AUTS2: variants seen among roughly 807,000 people sequenced by gnomAD.
AUTS2 encodes autism susceptibility gene 2 protein.
A neutral mutation model predicts 112.4 loss-of-function variants in AUTS2; 17 were observed. The ratio of observed to expected loss-of-function variants is 0.15; its 90% CI spans 0.10 to 0.23. The LOEUF is 0.23. Ranked by LOEUF, AUTS2 falls within the 10% of genes least tolerant of loss-of-function variation. The probability of loss-of-function intolerance (pLI) is 1.00; values close to 1 mark genes in which losing one functional copy is unlikely to be tolerated. For missense variants in AUTS2, 1,510 were observed against 1,701.6 expected, an observed-to-expected ratio of 0.89 and a Z score of 1.98; for synonymous variants, 751 against 702.7, an observed-to-expected ratio of 1.07 and a Z score of -1.09.
At chr7:70,090,506 G>A (rs1167563987) in intron 2 of AUTS2, among the ~76,000 whole-genome samples, 1 of 151,930 alleles carries the variant, frequency 6.6e-6, no homozygotes, top group Non-Finnish European at 1.5e-5. Flanking sequence ...TGGGACTACA[G>A]GTGCGCACCA....
At chr7:69,904,869 A>T (rs1584419748) in intron 2 of AUTS2, among the ~76,000 whole-genome samples, 1 of 152,194 alleles carries the variant, frequency 6.6e-6, no homozygotes, top group South Asian at 2.1e-4. Flanking sequence ...TTGGCTTATG[A>T]TCTCTCTTTG....
chr7:70,487,117 G>A (rs367613499), intron 5 of AUTS2, among the ~76,000 whole-genome samples: 44 of 152,104 alleles, frequency 2.9e-4, no homozygotes, highest in East Asian at 2.5e-3. Flanking sequence ...GGGAGAGGAC[G>A]GTAGCCGCTT....
chr7:70,085,322 T>G lies in AUTS2; in HGVS notation c.523-32810T>G, dbSNP rs550015339. 2.0e-5 allele frequency among the ~76,000 whole-genome samples: 3 copies of G among 152,292 alleles called. No homozygotes were observed. In the South Asian group the frequency reaches 6.2e-4, roughly 32 times the overall value. On this transcript the variant is annotated intron_variant, in intron 2 of 18. Coordinates refer to ENST00000342771, the MANE Select transcript of AUTS2 (RefSeq NM_015570.4). ...GTCTGTGATCCATTTTGAGTTAATT[T>G]TTGTATATGAAATGAGACATATAGT...
In AUTS2 at chr7:69,625,690, T is replaced by C. The variant is rs937690945; in HGVS notation, c.309+25728T>C. On this transcript the variant is annotated intron_variant, in intron 1 of 18. Coordinates refer to ENST00000342771, the MANE Select transcript of AUTS2 (RefSeq NM_015570.4). ...CCTGGGAAAAACAGTGAGACCCTGT[T>C]CTATAAAAAATTTAAAAATTAGCTG... is the stretch of plus-strand genomic sequence containing the variant. Among the ~76,000 whole-genome samples the C allele has an allele frequency of 1.9e-4, 29 of 152,104 alleles. 1 individual carries two copies. Among genetic ancestry groups the C allele is most frequent in the Admixed American group, 1.6e-3 (25 of 15,282 alleles).
At chr7:70,193,739 T>G (rs1810025948) in intron 4 of AUTS2, among the ~76,000 whole-genome samples, 1 of 152,340 alleles carries the variant, frequency 6.6e-6, no homozygotes, top group South Asian at 2.1e-4. Context: ...TCTAACATGA[T>G]AAAGCAGACC....
intron 1 of AUTS2, among the ~76,000 whole-genome samples, chr7:69,799,658 C>G (rs901262321): frequency 1.4e-4 from 22 of 152,308 alleles, no homozygotes; most frequent in African/African-American, 4.8e-4. Flanking sequence ...GGACTATAAC[C>G]TGCATAATCA....
chr7:70,003,337 ATATG>A (rs1799313741), intron 2 of AUTS2, among the ~76,000 whole-genome samples: 1 of 130,242 alleles, frequency 7.7e-6, no homozygotes, highest in Admixed American at 8.5e-5. Flanking sequence ...TGAATATATA[ATATG>A]TATGAATATG....
chr7:70,551,419 A>G (rs1801010617), intron 5 of AUTS2, among the ~76,000 whole-genome samples: 3 of 152,192 alleles, frequency 2.0e-5, no homozygotes, highest in Admixed American at 2.0e-4. Context: ...CATTGATACA[A>G]TGTGAAAACA....
At position 69,881,371 on chromosome 7, in the gene AUTS2, ATT is replaced by A. The variant is rs34319045; in HGVS notation, c.310-17904_310-17903del. On this transcript the variant is annotated intron_variant, in intron 1 of 18. Transcript: ENST00000342771. Reference sequence around the variant, plus strand: ...TTCCCTAAAAGAATCCAATAAACCCATTTTTTTTTTTTAATGGTTAGGCTCTG... The same window carrying A: ...TTCCCTAAAAGAATCCAATAAACCCATTTTTTTTTTAATGGTTAGGCTCTG... 7.2e-3 allele frequency among the ~76,000 whole-genome samples: 991 copies of A among 136,872 alleles called. 8 individuals carry two copies. The highest frequency in any genetic ancestry group is 0.024 in the African/African-American group (906 of 37,670). The allele number at this position is 136,872 out of a possible 152,430, so 89.8% of individuals were successfully genotyped here. A position where few individuals can be genotyped will look rare whatever the true frequency, so the allele number is the denominator to read the frequency against.
At chr7:70,453,594 A>C (rs908451923) in intron 5 of AUTS2, among the ~76,000 whole-genome samples, 1 of 152,240 alleles carries the variant, frequency 6.6e-6, no homozygotes, top group African/African-American at 2.4e-5. Context: ...AAATCAAGGC[A>C]TCAGCAGGGC....
intron 1 of AUTS2, among the ~76,000 whole-genome samples, chr7:69,857,167 TTAGAGGGCTCCTCGTCTGCTCCCCCTA>T (rs1792767093): frequency 6.6e-6 from 1 of 152,190 alleles, no homozygotes; most frequent in African/African-American, 2.4e-5. Context: ...ACACATACAC[TTAGAGGGCTCCTCGTCTGCTCCCCCTA>T]GCTAAGCAGC....
At chr7:69,655,780 CG>C (rs1562789569) in intron 1 of AUTS2, among the ~76,000 whole-genome samples, 1 of 152,064 alleles carries the variant, frequency 6.6e-6, no homozygotes, top group African/African-American at 2.4e-5. Context: ...AGGGGAGGGC[CG>C]TGCCTTCCTG....
intron 2 of AUTS2, among the ~76,000 whole-genome samples, chr7:69,946,108 A>G (rs903898000): frequency 6.6e-6 from 1 of 152,100 alleles, no homozygotes; most frequent in Non-Finnish European, 1.5e-5. Context: ...CTGCCTCCCA[A>G]AGTGCTGGGA....
intron 2 of AUTS2, among the ~76,000 whole-genome samples, chr7:70,113,813 A>G (rs992392910): frequency 1.3e-5 from 2 of 152,242 alleles, no homozygotes; most frequent in African/African-American, 2.4e-5. Flanking sequence ...GCTGAAAAGA[A>G]TGGGATAGCC....
chr7:70,192,574 G>C (rs944844657), intron 4 of AUTS2, among the ~76,000 whole-genome samples: 2 of 152,268 alleles, frequency 1.3e-5, no homozygotes, highest in Admixed American at 6.5e-5. Context: ...AAGTAAGTAG[G>C]TTAAGAACTG....
intron 2 of AUTS2, among the ~76,000 whole-genome samples, chr7:70,109,940 A>T (rs1476019520): frequency 6.6e-6 from 1 of 152,206 alleles, no homozygotes; most frequent in African/African-American, 2.4e-5. Context: ...TAGATATGTG[A>T]GTTATACATC....
intron 5 of AUTS2, among the ~76,000 whole-genome samples, chr7:70,486,107 C>T (rs1797987717): frequency 6.6e-6 from 1 of 152,144 alleles, no homozygotes; most frequent in African/African-American, 2.4e-5. Context: ...AAAAATAACT[C>T]TATTAAATCA....
intron 5 of AUTS2, among the ~76,000 whole-genome samples, chr7:70,655,820 A>AC (rs1324275261): frequency 2.0e-5 from 3 of 151,984 alleles, no homozygotes; most frequent in Non-Finnish European, 2.9e-5. Flanking sequence ...ACCCAGCTGA[A>AC]CCCCCTAGAC....
intron 4 of AUTS2, among the ~76,000 whole-genome samples, chr7:70,149,622 A>G (rs898439902): frequency 1.1e-4 from 16 of 152,072 alleles, no homozygotes; most frequent in African/African-American, 2.7e-4. Flanking sequence ...ACATTCATTA[A>G]CTTGACCCAA....
Sources: gnomAD v4.1 joint callset for allele counts (sites outside exome capture counted in the v4.1 genomes callset) on GRCh38, gnomAD v4.1.1 for gene constraint, MANE v1.5 for transcripts, NCBI Gene and HGNC (gene_info 2026-07-23, HGNC 2026-07-21) for gene names.